Variants in MTR observed in about 807,000 individuals in gnomAD.
MTR encodes methionine synthase.
Under a neutral mutation model 154.8 loss-of-function variants are expected in MTR, and 84 were observed. The ratio of observed to expected loss-of-function variants is 0.54; its 90% CI spans 0.45 to 0.65. The LOEUF is 0.65. MTR is among the 30% of genes least tolerant of loss of function. The probability of loss-of-function intolerance (pLI) is 0.00; values close to 1 mark genes in which losing one functional copy is unlikely to be tolerated. For missense variants in MTR, 1,275 were observed against 1,570.2 expected (o/e 0.81, Z 3.18); for synonymous variants, 554 against 553.9 (o/e 1.00, Z 0.00).
At chr1:236,826,924 T>C in intron 11 of MTR, 28 bp downstream of exon 11, 1 of 1,570,600 alleles carries the variant, frequency 6.4e-7, no homozygotes. Context: ...ACAATATATC[T>C]AAAACCAAGT....
chr1:236,858,757 A>G (rs144452956), intron 18 of MTR, among the ~76,000 whole-genome samples: 78 of 152,294 alleles, frequency 5.1e-4, no homozygotes, highest in African/African-American at 1.8e-3. Context: ...TGGAGATTCA[A>G]AGGTGATACT....
At chr1:236,800,603 C>T (rs1660650963) in intron 1 of MTR, 2 of 565,918 alleles carry the variant, frequency 3.5e-6, no homozygotes, top group African/African-American at 4.1e-5. Context: ...GCAAATATGC[C>T]ATTCCTGCCC....
At position 236,861,136 on chromosome 1, in the gene MTR, A is replaced by G. The variant is rs549741685; in HGVS notation, c.2055A>G (p.Lys685=). Residue 685 remains lysine, a synonymous_variant, in exon 20 of 33, where the codon AAA becomes AAG. Transcript: ENST00000366577. ...TTTGTCTTTTTTAGGGCATTGAAAA[A>G]CATATTATTGAGGATACTGAGGAAG... ...LEYALVKGIE[K]HIIEDTEEAR... The G allele has an allele frequency of 6.3e-7, 1 of 1,584,794 alleles. No homozygotes were observed. The highest frequency in any genetic ancestry group is 2.2e-5 in the East Asian group (1 of 44,598).
chr1:236,838,855 C>G (rs1663061596), intron 15 of MTR, among the ~76,000 whole-genome samples: 1 of 152,114 alleles, frequency 6.6e-6, no homozygotes, highest in African/African-American at 2.4e-5. Context: ...TGTATTTACA[C>G]CAACCTAGAT....
At chr1:236,823,881 A>C (rs934727997) in intron 8 of MTR, among the ~76,000 whole-genome samples, 28 of 123,908 alleles carry the variant, frequency 2.3e-4, no homozygotes, top group African/African-American at 8.7e-4. Context: ...ATGTGAACTG[A>C]TTTGAGGAGT....
chr1:236,837,801 T>C (rs555659096), intron 14 of MTR, among the ~76,000 whole-genome samples: 47 of 152,220 alleles, frequency 3.1e-4, no homozygotes, highest in Non-Finnish European at 6.0e-4. Flanking sequence ...ATCTAATTCT[T>C]CAAGCCCTTC....
chr1:236,846,089 A>G (rs1245257275), intron 15 of MTR, among the ~76,000 whole-genome samples: 1 of 152,260 alleles, frequency 6.6e-6, no homozygotes, highest in Non-Finnish European at 1.5e-5. Flanking sequence ...ACCAGATATG[A>G]CAGGAGGCTG....
chr1:236,823,324 T>C (rs1662084059), intron 8 of MTR, among the ~76,000 whole-genome samples: 1 of 152,202 alleles, frequency 6.6e-6, no homozygotes, highest in South Asian at 2.1e-4. Context: ...TCTAATATGG[T>C]CCAGTGAACA....
intron 31 of MTR, among the ~76,000 whole-genome samples, chr1:236,895,821 G>C (rs1666593704): frequency 6.6e-6 from 1 of 152,152 alleles, no homozygotes; most frequent in Non-Finnish European, 1.5e-5. Context: ...ATACCATCCT[G>C]TGCCTCTCCT....
chr1:236,831,861 T>C (rs1662631487), intron 12 of MTR, 105 bp from the exon 13 acceptor site: 4 of 813,874 alleles, frequency 4.9e-6, no homozygotes, highest in Non-Finnish European at 8.4e-6. Context: ...TCAGATGGGC[T>C]ATGGTGCAGG....
chr1:236,859,708 A>G (rs1196690477), intron 18 of MTR, 125 bp from the exon 19 acceptor site: 2 of 741,638 alleles, frequency 2.7e-6, no homozygotes, highest in East Asian at 2.7e-5. Context: ...TGGACAGTCT[A>G]CTAGGGGCTG....
At chr1:236,888,181 A>G (rs1172314968) in intron 27 of MTR, among the ~76,000 whole-genome samples, 1 of 152,210 alleles carries the variant, frequency 6.6e-6, no homozygotes, top group Admixed American at 6.5e-5. Flanking sequence ...GATTGGTAGA[A>G]TAGGAAGTTC....
chr1:236,800,866 G>A (rs1660664616), intron 1 of MTR, among the ~76,000 whole-genome samples: 1 of 152,216 alleles, frequency 6.6e-6, no homozygotes, highest in African/African-American at 2.4e-5. Context: ...TGATGATGAA[G>A]GCAGGGCTGA....
intron 22 of MTR, among the ~76,000 whole-genome samples, chr1:236,864,557 A>G (rs903678755): frequency 6.6e-6 from 1 of 152,178 alleles, no homozygotes; most frequent in African/African-American, 2.4e-5. Context: ...GTTCTCTCCT[A>G]GTCCTAGAAA....
intron 13 of MTR, 79 bp downstream of exon 13, chr1:236,832,157 C>A: frequency 9.0e-7 from 1 of 1,113,986 alleles, no homozygotes; most frequent in Non-Finnish European, 1.4e-6. Context: ...AGCTCTCTGC[C>A]TTTGATAGTG....
intron 8 of MTR, among the ~76,000 whole-genome samples, chr1:236,818,363 G>T (rs1661723063): frequency 6.6e-6 from 1 of 152,160 alleles, no homozygotes; most frequent in South Asian, 2.1e-4. Context: ...TGTCCTGGGT[G>T]TCACTGGAGT....
At chr1:236,844,473 T>A (rs1022085109) in intron 15 of MTR, among the ~76,000 whole-genome samples, 37 of 65,368 alleles carry the variant, frequency 5.7e-4, no homozygotes, top group African/African-American at 1.2e-3. Context: ...TGTGTGTGTG[T>A]GTGTGTGTGT....
At chr1:236,873,497 A>T (rs1572305774) in intron 22 of MTR, among the ~76,000 whole-genome samples, 1 of 152,364 alleles carries the variant, frequency 6.6e-6, no homozygotes, top group Admixed American at 6.5e-5. Flanking sequence ...ACCAGAAACC[A>T]TTGAATTGCA....
chr1:236,817,695 A>T (rs1661677881), intron 8 of MTR, among the ~76,000 whole-genome samples: 1 of 152,170 alleles, frequency 6.6e-6, no homozygotes, highest in Non-Finnish European at 1.5e-5. Context: ...ACATTTTATC[A>T]ATTATGTGAT....
Sources: allele counts gnomAD v4.1 joint callset (sites outside exome capture counted in the v4.1 genomes callset), GRCh38; gene constraint gnomAD v4.1.1; transcripts MANE v1.5; gene names NCBI Gene and HGNC (gene_info 2026-07-23, HGNC 2026-07-21).